Variants in DNAH5 observed in about 807,000 individuals in gnomAD.
DNAH5 encodes the protein dynein axonemal heavy chain 5.
In DNAH5, 372 loss-of-function variants were observed where a neutral mutation model predicts 518.2. The ratio of observed to expected loss-of-function variants is 0.72; its 90% CI spans 0.66 to 0.78. DNAH5 has a LOEUF of 0.78. DNAH5 is among the 30% of genes least tolerant of loss of function. DNAH5 has a pLI of 0.00. For synonymous variants in DNAH5, 2,039 were observed against 2,025.9 expected (o/e 1.01, Z -0.17); for missense variants, 5,523 against 5,687.0 (o/e 0.97, Z 0.93).
intron 12 of DNAH5, among the ~76,000 whole-genome samples, chr5:13,905,135 G>A (rs114865945): frequency 0.027 from 4,070 of 152,310 alleles, 188 homozygotes; most frequent in African/African-American, 0.092. Flanking sequence ...TCGAGTCTGT[G>A]TTTAACCAAT....
chr5:13,991,617 G>A (rs1199807043), intron 1 of DNAH5, among the ~76,000 whole-genome samples: 1 of 151,574 alleles, frequency 6.6e-6, no homozygotes, highest in Non-Finnish European at 1.5e-5. Context: ...AGGGGAGAGG[G>A]AGATTGTATA....
chr5:13,975,183 T>C (rs972006892), intron 1 of DNAH5, among the ~76,000 whole-genome samples: 4 of 152,102 alleles, frequency 2.6e-5, no homozygotes, highest in African/African-American at 7.2e-5. Context: ...CCCTCACAAT[T>C]ATGGCAGAAG....
At chr5:13,781,135 T>A (rs1202244815) in intron 52 of DNAH5, among the ~76,000 whole-genome samples, 176 bp from the exon 53 acceptor site, 1 of 152,088 alleles carries the variant, frequency 6.6e-6, no homozygotes, top group Admixed American at 6.6e-5. Context: ...TAGAACAGTG[T>A]TGGGCTGCAT....
intron 21 of DNAH5, among the ~76,000 whole-genome samples, chr5:13,879,651 A>G (rs1253804947): frequency 6.6e-6 from 1 of 152,092 alleles, no homozygotes; most frequent in Non-Finnish European, 1.5e-5. Flanking sequence ...CTGAAGAATG[A>G]TGTAACTGAA....
intron 35 of DNAH5, among the ~76,000 whole-genome samples, chr5:13,838,506 G>A (rs1459237158): frequency 1.3e-5 from 2 of 152,126 alleles, no homozygotes; most frequent in Non-Finnish European, 2.9e-5. Flanking sequence ...CGTGAGCTGT[G>A]CATGTGAGGG....
intron 1 of DNAH5, among the ~76,000 whole-genome samples, chr5:13,993,382 G>A (rs568262356): frequency 1.3e-5 from 2 of 152,116 alleles, no homozygotes; most frequent in East Asian, 3.8e-4. Flanking sequence ...TCATTTTTAA[G>A]GTTCTAGGTC....
Position 13,840,972 on chromosome 5 carries a change from C to A in DNAH5, c.5643G>T (p.Thr1881=), listed in dbSNP as rs150429110. The A allele has an allele frequency of 1.2e-6, 2 of 1,614,102 alleles. No homozygotes were observed. Among genetic ancestry groups the A allele is most frequent in the Non-Finnish European group, 1.7e-6 (2 of 1,179,992 alleles). Residue 1881 remains threonine, a synonymous_variant, in exon 34 of 79, where the codon ACG becomes ACT. Transcript: ENST00000265104. Reference sequence around the variant, plus strand: ...TCAGAGTCTCGTATTTCACTCGTTCCGTGGAACTCAGATCCCTCGTGGTGA... The same window carrying A: ...TCAGAGTCTCGTATTTCACTCGTTCAGTGGAACTCAGATCCCTCGTGGTGA... ...IDVTTRDLSS[T]ERVKYETLIT...
intron 70 of DNAH5, among the ~76,000 whole-genome samples, chr5:13,726,284 G>A (rs1745718944): frequency 1.3e-5 from 2 of 152,206 alleles, no homozygotes. Flanking sequence ...GGCAGATACT[G>A]CAGGACTTGA....
Position 13,714,597 on chromosome 5 carries a change from A to G in DNAH5, c.12933T>C (p.Pro4311=). 6.2e-7 allele frequency: 1 copy of G among 1,614,102 alleles called. No homozygotes were observed. The highest frequency in any genetic ancestry group is 8.5e-7 in the Non-Finnish European group (1 of 1,180,012). ...CATTGGGGTGCAGCCCAAACACCTC[A>G]GGGCTGTCATAGGCAGGCAAACTCT... ...YIQSLPAYDS[P]EVFGLHPNAD... is the part of the protein sequence containing the mutation. The change falls in exon 75 of 79, where the codon CCT becomes CCC. Residue 4311 remains proline, a synonymous_variant. Transcript: ENST00000265104.
In DNAH5 at chr5:13,804,350, G is replaced by A. The variant is rs183508351; in HGVS notation, c.7887+3241C>T. ...AAACAACCTGTGAAGTAACAGATAC[G>A]CGCCCTTCGTTGGACAGTGTGCCAT... On this transcript the variant is annotated intron_variant, in intron 47 of 78. Transcript: ENST00000265104. Among the ~76,000 whole-genome samples the A allele has an allele frequency of 3.0e-3, 457 of 152,288 alleles. 3 individuals are homozygous for A. Among genetic ancestry groups the A allele is most frequent in the African/African-American group, 0.011 (440 of 41,562 alleles).
intron 1 of DNAH5, among the ~76,000 whole-genome samples, chr5:13,936,629 GCATGCAGTTTGGTGATCACACTAAAT>G (rs1778947605): frequency 6.6e-6 from 1 of 152,216 alleles, no homozygotes; most frequent in Admixed American, 6.5e-5. Flanking sequence ...GGGTTAAATT[GCATGCAGTTTGGTGATCACACTAAAT>G]CAAACAGCAC....
chr5:14,007,858 A>G (rs1297797705), intron 1 of DNAH5, among the ~76,000 whole-genome samples: 12 of 152,216 alleles, frequency 7.9e-5, no homozygotes, highest in African/African-American at 2.9e-4. Context: ...GGGAATTTGA[A>G]AAAAAGGTCT....
intron 1 of DNAH5, among the ~76,000 whole-genome samples, chr5:13,983,982 G>A (rs1441198428): frequency 6.6e-6 from 1 of 152,164 alleles, no homozygotes; most frequent in Non-Finnish European, 1.5e-5. Flanking sequence ...TTAGGTGGGA[G>A]GTGGAAGTAG....
intron 65 of DNAH5, among the ~76,000 whole-genome samples, chr5:13,747,661 G>A (rs1384386105): frequency 2.0e-5 from 3 of 152,174 alleles, no homozygotes; most frequent in Non-Finnish European, 2.9e-5. Flanking sequence ...TTTTTCATGT[G>A]TCTGTTGGCT....
At chr5:13,933,450 A>C (rs1403430175) in intron 1 of DNAH5, among the ~76,000 whole-genome samples, 3 of 152,242 alleles carry the variant, frequency 2.0e-5, no homozygotes, top group Non-Finnish European at 4.4e-5. Context: ...AAAATTGGGG[A>C]CCACCAGTAT....
intron 47 of DNAH5, among the ~76,000 whole-genome samples, chr5:13,800,667 C>A (rs1384010607): frequency 6.6e-6 from 1 of 152,184 alleles, no homozygotes; most frequent in East Asian, 1.9e-4. Context: ...GACTCATACA[C>A]AATGGCTATA....
chr5:13,821,930 G>A (rs1305004746), intron 40 of DNAH5, among the ~76,000 whole-genome samples: 11 of 152,016 alleles, frequency 7.2e-5, no homozygotes, highest in Admixed American at 1.3e-4. Context: ...GAGTAGTTGG[G>A]ACTATAGACA....
chr5:13,874,637 C>A lies in DNAH5; in HGVS notation c.3396+2047G>T, dbSNP rs1216212950. Among the ~76,000 whole-genome samples, 3 of 152,216 alleles carry A rather than the reference C, an allele frequency of 2.0e-5. No individual in the cohort carries two copies. The East Asian group carries it at 5.8e-4, about 29-fold the overall frequency. On this transcript the variant is annotated intron_variant, in intron 22 of 78. Coordinates refer to ENST00000265104, the MANE Select transcript of DNAH5 (RefSeq NM_001369.3). ...GATTCAGGCAAATCTTATGCCTCAG[C>A]CTAATGAGTAGCTGGGATTATAGAC...
intron 25 of DNAH5, 124 bp from the exon 26 acceptor site, chr5:13,866,406 T>C: frequency 1.2e-6 from 1 of 855,020 alleles, no homozygotes; most frequent in East Asian, 2.8e-5. Context: ...TTTTTATTTG[T>C]TAGAAAAAAA....
Sources: gnomAD v4.1 joint callset for allele counts (sites outside exome capture counted in the v4.1 genomes callset) on GRCh38, gnomAD v4.1.1 for gene constraint, MANE v1.5 for transcripts, NCBI Gene and HGNC (gene_info 2026-07-23, HGNC 2026-07-21) for gene names.